Variants in DMXL1 observed in about 807,000 individuals in gnomAD.
The protein encoded by DMXL1 is Dmx like 1.
In DMXL1, 99 loss-of-function variants were observed where a neutral mutation model predicts 319.2. The ratio of observed to expected loss-of-function variants is 0.31; its 90% CI spans 0.26 to 0.37. DMXL1 has a LOEUF of 0.37. DMXL1 is among the 10% of genes least tolerant of loss of function. The pLI is 1.00. For missense variants in DMXL1, 3,745 were observed against 3,595.6 expected, an observed-to-expected ratio of 1.04 and a Z score of -1.06; for synonymous variants, 1,385 against 1,235.2, an observed-to-expected ratio of 1.12 and a Z score of -2.54.
intron 19 of DMXL1, among the ~76,000 whole-genome samples, chr5:119,155,197 A>G (rs986893588): frequency 6.6e-6 from 1 of 152,240 alleles, no homozygotes; most frequent in African/African-American, 2.4e-5. Flanking sequence ...CATGAATCAA[A>G]GAATGCCTCC....
intron 21 of DMXL1, among the ~76,000 whole-genome samples, chr5:119,165,797 A>T (rs1773313610): frequency 6.6e-6 from 1 of 152,246 alleles, no homozygotes; most frequent in African/African-American, 2.4e-5. Context: ...TCACAAGAAT[A>T]GCATGGAAAA....
At chr5:119,116,424 G>A (rs980071416) in intron 7 of DMXL1, 88 bp downstream of exon 7, 1 of 1,360,730 alleles carries the variant, frequency 7.3e-7, no homozygotes, top group Non-Finnish European at 1.0e-6. Context: ...AGAGTCCATA[G>A]TTACAGGACT....
intron 8 of DMXL1, among the ~76,000 whole-genome samples, chr5:119,120,415 C>A (rs565100957): frequency 6.6e-6 from 1 of 152,218 alleles, no homozygotes; most frequent in Non-Finnish European, 1.5e-5. Context: ...CCTGCCTCTT[C>A]TTAGCTAGAT....
chr5:119,111,289 GTTA>G (rs1458862951), intron 5 of DMXL1, among the ~76,000 whole-genome samples: 2 of 152,156 alleles, frequency 1.3e-5, no homozygotes, highest in African/African-American at 4.8e-5. Flanking sequence ...CTAATTACAT[GTTA>G]TTATTGAGCA....
At chr5:119,114,028 G>T (rs1561613763) in intron 5 of DMXL1, among the ~76,000 whole-genome samples, 1 of 152,160 alleles carries the variant, frequency 6.6e-6, no homozygotes, top group Non-Finnish European at 1.5e-5. Flanking sequence ...GGTGAAGCTG[G>T]TAGGCTGAAT....
intron 38 of DMXL1, among the ~76,000 whole-genome samples, chr5:119,228,957 T>G (rs985497529): frequency 4.6e-5 from 7 of 151,964 alleles, no homozygotes. Context: ...ATGTTAATAT[T>G]AACATTAGGT....
At chr5:119,180,034 G>T (rs1219147316) in intron 28 of DMXL1, among the ~76,000 whole-genome samples, 1 of 152,172 alleles carries the variant, frequency 6.6e-6, no homozygotes, top group Admixed American at 6.5e-5. Context: ...AAACAGATGA[G>T]TACAGCTGTG....
In DMXL1 at chr5:119,133,810, A is replaced by G; in HGVS notation, c.1886A>G (p.His629Arg). ...SAFSTVLSIS[H>R]KSRYCGHRFH... ...TTTTCTACTGTTCTCAGTATTTCCC[A>G]CAAATCCAGATATTGTGGTCATCGT... The change falls in exon 12 of 44, where the codon CAC becomes CGC. Residue 629 changes from histidine to arginine, a missense_variant. Physicochemically the swap from His to Arg is conservative, Grantham distance 29. Transcript: ENST00000539542. 6.2e-7 allele frequency: 1 copy of G among 1,614,098 alleles called. No individual in the cohort carries two copies. The highest frequency in any genetic ancestry group is 8.5e-7 in the Non-Finnish European group (1 of 1,180,040).
intron 33 of DMXL1, among the ~76,000 whole-genome samples, chr5:119,204,038 G>GGTCTC (rs1268519297): frequency 6.6e-6 from 1 of 151,934 alleles, no homozygotes; most frequent in Non-Finnish European, 1.5e-5. Context: ...TAGCCAGGAT[G>GGTCTC]GTCTCGATCT....
chr5:119,097,723 A>C (rs535579152), intron 1 of DMXL1, among the ~76,000 whole-genome samples: 1 of 152,326 alleles, frequency 6.6e-6, no homozygotes, highest in East Asian at 1.9e-4. Flanking sequence ...TCTCAAAAGA[A>C]AAAATAAAAA....
At position 119,233,478 on chromosome 5, in the gene DMXL1, A is replaced by C. The variant is rs1427667061; in HGVS notation, c.8466+11A>C. The C allele has an allele frequency of 6.2e-7, 1 of 1,605,206 alleles. No individual in the cohort carries two copies. The highest frequency in any genetic ancestry group is 1.3e-5 in the African/African-American group (1 of 74,602). On this transcript the variant is annotated intron_variant, in intron 39 of 43. Coordinates refer to ENST00000539542, the MANE Select transcript of DMXL1 (RefSeq NM_001290321.3). ...TATCAGGGAAATAAGGTATTATATA[A>C]AAATGTAAATGGTAAAAAATTTATT...
chr5:119,081,905 C>T (rs372869780), intron 1 of DMXL1, among the ~76,000 whole-genome samples: 5 of 151,152 alleles, frequency 3.3e-5, no homozygotes, highest in African/African-American at 9.7e-5. Flanking sequence ...TACGAATAAA[C>T]ATGATTCTTG....
At chr5:119,196,520 T>G in intron 31 of DMXL1, 64 bp downstream of exon 31, 5 of 1,155,682 alleles carry the variant, frequency 4.3e-6, no homozygotes, top group East Asian at 2.4e-5. Flanking sequence ...CTGTTGTTTT[T>G]TTTTTTTTTT....
chr5:119,089,999 CTTTTTTTTTTTTTTTTTTTTTTTT>C (rs70982467), intron 1 of DMXL1, among the ~76,000 whole-genome samples: 8 of 34,372 alleles, frequency 2.3e-4, no homozygotes, highest in African/African-American at 5.2e-4. Flanking sequence ...TCGGGTTAGT[CTTTTTTTTTTTTTTTTTTTTTTTT>C]TTTTTTTTTT....
chr5:119,143,974 A>G (rs1392452722), intron 14 of DMXL1, 44 bp downstream of exon 14: 9 of 1,258,872 alleles, frequency 7.1e-6, no homozygotes, highest in Non-Finnish European at 1.0e-5. Flanking sequence ...AAAAAAGTTT[A>G]TGAAAGCATT....
rs2150138904 is a variant in DMXL1 at position 119,149,652 on chromosome 5, A to C, written c.3825A>C (p.Leu1275Phe). 1.2e-6 allele frequency: 2 copies of C among 1,613,984 alleles called. No homozygotes were observed. The highest frequency in any genetic ancestry group is 2.2e-5 in the South Asian group (2 of 91,076). The change falls in exon 18 of 44, where the codon TTA becomes TTC. Residue 1275 changes from leucine to phenylalanine, a missense_variant. Coordinates refer to ENST00000539542, the MANE Select transcript of DMXL1 (RefSeq NM_001290321.3). Reference protein sequence around the residue: ...LIKQSNSSSGLHPPKKTLTRS... With the variant: ...LIKQSNSSSGFHPPKKTLTRS... The stretch of plus-strand genomic sequence containing the variant: ...AACAGAGTAACTCCAGTTCTGGGTT[A>C]CATCCTCCAAAGAAAACTCTGACTC...
rs534002047 is a variant in DMXL1 at position 119,169,025 on chromosome 5, C to T, written c.5398+1161C>T. Among the ~76,000 whole-genome samples the T allele has an allele frequency of 2.4e-3, 361 of 152,254 alleles. 4 individuals carry two copies. The highest frequency in any genetic ancestry group is 1.6e-3 in the Non-Finnish European group (108 of 68,018). ...CAAGCAATCTTCCCACCCCAGCGTCCTGAGTAGCGGGGACCACAGGTGTGT... is the reference window on the plus strand; with the variant it reads ...CAAGCAATCTTCCCACCCCAGCGTCTTGAGTAGCGGGGACCACAGGTGTGT... On this transcript the variant is annotated intron_variant, in intron 23 of 43. Coordinates refer to ENST00000539542, the MANE Select transcript of DMXL1 (RefSeq NM_001290321.3).
intron 38 of DMXL1, 129 bp from the exon 39 acceptor site, chr5:119,233,211 A>T (rs74376720): frequency 0.015 from 13,637 of 929,170 alleles, 612 homozygotes; most frequent in African/African-American, 0.1. Context: ...CTGAAATTTC[A>T]TACAAAGGTA....
At chr5:119,239,431 C>T (rs1788353161) in intron 41 of DMXL1, among the ~76,000 whole-genome samples, 1 of 152,080 alleles carries the variant, frequency 6.6e-6, no homozygotes, top group Non-Finnish European at 1.5e-5. Flanking sequence ...GCTCGTCTTC[C>T]GTAGATATTT....
Sources: allele counts gnomAD v4.1 joint callset (sites outside exome capture counted in the v4.1 genomes callset), GRCh38; gene constraint gnomAD v4.1.1; transcripts MANE v1.5; gene names NCBI Gene and HGNC (gene_info 2026-07-23, HGNC 2026-07-21).